The following BTBD19 variants were observed in gnomAD, a reference collection of about 807,000 sequenced individuals.
The protein encoded by BTBD19 is BTB domain containing 19.
Under a neutral mutation model 36.1 loss-of-function variants are expected in BTBD19, and 20 were observed. The ratio of observed to expected loss-of-function variants is 0.55; its 90% confidence interval spans 0.39 to 0.80. The LOEUF (loss-of-function observed/expected upper bound fraction) is 0.80, where lower values mean the gene tolerates loss of function less well. Among genes scored for constraint, BTBD19 ranks in the 30% least tolerant of loss-of-function variants. BTBD19 has a pLI of 0.00. For missense variants in BTBD19, 325 were observed against 389.8 expected (o/e 0.83, Z 1.40); for synonymous variants, 157 against 174.3 (o/e 0.90, Z 0.78).
chr1:44,813,521 C>G lies in BTBD19; in HGVS notation c.741+22C>G. 6.5e-7 allele frequency: 1 copy of G among 1,548,272 alleles called. No homozygotes were observed. Among genetic ancestry groups the G allele is most frequent in the Non-Finnish European group, 8.7e-7 (1 of 1,145,022 alleles). On this transcript the variant is annotated intron_variant, in intron 7 of 7. Transcript: ENST00000450269. This position sits in a 1 kb window ranked among gnomAD's most constrained non-coding sequence, Gnocchi z 7.8. ...CCCGGTGGGGACGCGGGGAACCGGC[C>G]CAGCTCCACTCAGCAGGGGGTACAG...
chr1:44,810,153 C>T lies in BTBD19; in HGVS notation c.87-60C>T, dbSNP rs555399025. ...AGACCCAGAGTGGGCAAAGGCACAG[C>T]CCAAGTTGCACTCCGGGTGCTGGCC... is the stretch of plus-strand genomic sequence containing the variant. On this transcript the variant is annotated intron_variant, in intron 1 of 7. Transcript: ENST00000450269. This position sits in a 1 kb window ranked among gnomAD's most constrained non-coding sequence, Gnocchi z 4.2. The T allele has an allele frequency of 3.5e-6, 5 of 1,431,284 alleles. No individual in the cohort carries two copies. Among genetic ancestry groups the T allele is most frequent in the Non-Finnish European group, 4.8e-6 (5 of 1,043,174 alleles). 88.7% of individuals were successfully genotyped at this position (1,431,284 alleles called of 1,614,324 possible).
In BTBD19 at chr1:44,810,186, C is replaced by G. The variant is rs148531789; in HGVS notation, c.87-27C>G. ...GCACTCCGGGTGCTGGCCTCCTCCC[C>G]GCTGCCTCTCTGCCTGTCTCCCACA... is the stretch of plus-strand genomic sequence containing the variant. On this transcript the variant is annotated intron_variant, in intron 1 of 7. Coordinates refer to ENST00000450269, the Ensembl canonical transcript of BTBD19. The surrounding 1 kb of genome is among the most constrained non-coding windows in gnomAD (Gnocchi z 4.2). 1.3e-6 allele frequency: 2 copies of G among 1,537,898 alleles called. No homozygotes were observed. Among genetic ancestry groups the G allele is most frequent in the South Asian group, 2.4e-5 (2 of 83,744 alleles).
Position 44,810,447 on chromosome 1 carries a change from C to T in BTBD19, c.300+21C>T. The T allele has an allele frequency of 6.4e-7, 1 of 1,551,058 alleles. No individual in the cohort carries two copies. The highest frequency in any genetic ancestry group is 8.7e-7 in the Non-Finnish European group (1 of 1,146,468). ...ACTCTGTGAGCCTGCTGACCAGGGG[C>T]CTGGGTGGGAGAGGTGGGGGGTGCC... On this transcript the variant is annotated intron_variant, in intron 2 of 7. Coordinates refer to ENST00000450269, the Ensembl canonical transcript of BTBD19. The surrounding 1 kb of genome is among the most constrained non-coding windows in gnomAD (Gnocchi z 4.2).
At chr1:44,808,890 A>G (rs1248579440) in exon 1 of BTBD19, 1 of 1,550,228 alleles carries the variant, frequency 6.5e-7, no homozygotes, top group East Asian at 2.5e-5. Flanking sequence ...AAGCCTTGTC[A>G]ACAACCCGCG....
Position 44,810,587 on chromosome 1 carries a change from G to A in BTBD19, c.334G>A (p.Gly112Arg). 6.5e-7 allele frequency: 1 copy of A among 1,548,224 alleles called. No individual in the cohort carries two copies. Among genetic ancestry groups the A allele is most frequent in the Non-Finnish European group, 8.7e-7 (1 of 1,145,748 alleles). Residue 112 changes from glycine to arginine, a missense_variant, in exon 3 of 8, where the codon GGG becomes AGG. Transcript: ENST00000450269. The surrounding 1 kb of genome is among the most constrained non-coding windows in gnomAD (Gnocchi z 4.2). ...AGTGCTGACAGCGGCTGTGGAGTAT[G>A]GGCTGGAGGAACTGAGAGAGGTGGG...
At chr1:44,808,547 G>A (rs993185427) in exon 1 of BTBD19, 32 of 312,384 alleles carry the variant, frequency 1.0e-4, no homozygotes, top group East Asian at 4.9e-4. Flanking sequence ...CGCCGCCGCC[G>A]CCGCCAGCCA....
exon 1 of BTBD19, chr1:44,808,544 G>A (rs949489601): frequency 5.5e-5 from 17 of 307,338 alleles, no homozygotes; most frequent in Admixed American, 5.5e-4. Flanking sequence ...CGCCGCCGCC[G>A]CCGCCGCCAG....
chr1:44,810,227 T>C lies in BTBD19; in HGVS notation c.101T>C (p.Val34Ala), dbSNP rs774182468. The C allele has an allele frequency of 1.3e-6, 2 of 1,551,926 alleles. No individual in the cohort carries two copies. The highest frequency in any genetic ancestry group is 2.4e-5 in the South Asian group (2 of 84,056). ...GTCTCCCACAGTGATGTTTGCTTCG[T>C]GGTTGGTCAAGAACGGCAGGAGGTA... is the stretch of plus-strand genomic sequence containing the variant. The change falls in exon 2 of 8, where the codon GTG becomes GCG. Residue 34 changes from valine to alanine, a missense_variant. Transcript: ENST00000450269. The surrounding 1 kb of genome is among the most constrained non-coding windows in gnomAD (Gnocchi z 4.2).
At position 44,813,898 on chromosome 1, in the gene BTBD19, C is replaced by A; in HGVS notation, c.*126C>A. ...CCAGCGTGCCCAGTGAGCCGGGCGC[C>A]GGAAGAACCGTTGTCTGCCACGCGC... is the stretch of plus-strand genomic sequence containing the variant. On this transcript the variant is annotated 3_prime_UTR_variant, in exon 8 of 8. Transcript: ENST00000450269. This position sits in a 1 kb window ranked among gnomAD's most constrained non-coding sequence, Gnocchi z 7.8. 3 of 1,396,284 alleles carry A rather than the reference C, an allele frequency of 2.1e-6. 1 individual carries two copies. The South Asian group carries it at 4.0e-5, about 18-fold the overall frequency. 86.5% of individuals were successfully genotyped at this position (1,396,284 alleles called of 1,614,324 possible). A position where few individuals can be genotyped will look rare whatever the true frequency, so the allele number is the denominator to read the frequency against.
At chr1:44,812,218 G>A in intron 4 of BTBD19, 120 bp downstream of exon 4, 2 of 687,210 alleles carry the variant, frequency 2.9e-6, no homozygotes, top group South Asian at 2.9e-5. Flanking sequence ...ACATGGTGGT[G>A]GTGGGGGTGC....
At chr1:44,814,159 T>TTTCTTTCC (rs1652590729), downstream of BTBD19, 2 of 122,432 alleles carry the variant, frequency 1.6e-5, no homozygotes, top group South Asian at 2.6e-4. Flanking sequence ...TCTTTCTTTC[T>TTTCTTTCC]TTCTTTCTTT....
At chr1:44,811,048 C>G (rs1229875999) in intron 3 of BTBD19, among the ~76,000 whole-genome samples, 1 of 152,024 alleles carries the variant, frequency 6.6e-6, no homozygotes, top group Non-Finnish European at 1.5e-5. Flanking sequence ...GGTGACACCC[C>G]ATCTCTACTA....
At chr1:44,814,158 CTTTCTTTCTT>C (rs1345709446), downstream of BTBD19, 2 of 121,526 alleles carry the variant, frequency 1.6e-5, no homozygotes, top group Non-Finnish European at 3.2e-5. Flanking sequence ...CTCTTTCTTT[CTTTCTTTCTT>C]TCTTTCTTTC....
At chr1:44,809,127 G>A (rs1382731003) in intron 1 of BTBD19, among the ~76,000 whole-genome samples, 1 of 152,176 alleles carries the variant, frequency 6.6e-6, no homozygotes, top group Non-Finnish European at 1.5e-5. Context: ...GAGCTGCTGT[G>A]TGAGCTCAGG....
exon 1 of BTBD19, chr1:44,808,736 C>T (rs768980667): frequency 1.3e-5 from 12 of 949,810 alleles, no homozygotes; most frequent in Admixed American, 3.1e-5. Context: ...CCTGCTTCTC[C>T]CTCTCAGGCC....
rs6143210 is a variant in BTBD19, at chr1:44,812,786, C to CGTGTGT, written c.415-163_415-158dup. The stretch of plus-strand genomic sequence containing the variant: ...AAGAGCAGGTTGTAGAGTGAGTCCA[C>CGTGTGT]GTGTGTGTGTGTGTGTGTGTGTGTG... On this transcript the variant is annotated intron_variant, in intron 4 of 7. Coordinates refer to ENST00000450269, the Ensembl canonical transcript of BTBD19. 1.9e-3 allele frequency among the ~76,000 whole-genome samples: 250 copies of CGTGTGT among 135,074 alleles called. 1 individual carries two copies. The highest frequency in any genetic ancestry group is 3.8e-3 in the Middle Eastern group (1 of 260). The allele number at this position is 135,074 out of a possible 152,430, so 88.6% of individuals were successfully genotyped here.
Position 44,813,389 on chromosome 1 carries a change from C to G in BTBD19, c.631C>G (p.Pro211Ala). 6.5e-7 allele frequency: 1 copy of G among 1,547,584 alleles called. No homozygotes were observed. Among genetic ancestry groups the G allele is most frequent in the Non-Finnish European group, 8.7e-7 (1 of 1,146,676 alleles). Residue 211 changes from proline (P) to alanine (A), a missense_variant, in exon 7 of 8, where the codon CCG (proline) becomes GCG (alanine). Transcript: ENST00000450269. This position sits in a 1 kb window ranked among gnomAD's most constrained non-coding sequence, Gnocchi z 7.8. ...GCGTTTGCAGGCGGTGCTGGAGCGG[C>G]CGGTGGCTGAGGTGGCGGCCCCGGT...
intron 3 of BTBD19, chr1:44,811,661 G>T: frequency 3.7e-6 from 1 of 272,786 alleles, no homozygotes; most frequent in South Asian, 3.6e-5. Flanking sequence ...TAGTGCAGCA[G>T]TCAAGAGATG....
chr1:44,811,804 T>G, intron 3 of BTBD19: 2 of 323,366 alleles, frequency 6.2e-6, no homozygotes, highest in Admixed American at 3.8e-5. Flanking sequence ...CTGGTTTTGA[T>G]TAGTGGCGAA....
Sources: allele counts gnomAD v4.1 joint callset (sites outside exome capture counted in the v4.1 genomes callset), GRCh38; gene constraint gnomAD v4.1.1; non-coding constraint Gnocchi (gnomAD v3.1); transcripts MANE v1.5; gene names NCBI Gene and HGNC (gene_info 2026-07-23, HGNC 2026-07-21).